Variants in CLASP1 observed in about 807,000 individuals in gnomAD.
The protein encoded by CLASP1 is cytoplasmic linker associated protein 1, also known as CLIP-associating protein 1.
CLASP1 carries 38 observed loss-of-function variants against 192.3 expected under a neutral mutation model. The observed-to-expected ratio is 0.20, with a 90% CI of 0.15 to 0.26. CLASP1 has a LOEUF of 0.26. CLASP1 is among the 10% of genes least tolerant of loss of function. The pLI, the probability that CLASP1 is intolerant of heterozygous loss-of-function variation, is 1.00. For synonymous variants in CLASP1, 691 were observed against 712.8 expected (o/e 0.97, Z 0.49); for missense variants, 1,433 against 1,932.5 (o/e 0.74, Z 4.85).
rs1489666378 is a variant in CLASP1 at position 121,591,843 on chromosome 2, T to C, written c.195+13858A>G. ...CCCATTTATAACCACACCTATTTGTTCCATAATGGACAGCCATCTCTAACA... is the reference window on the plus strand; with the variant it reads ...CCCATTTATAACCACACCTATTTGTCCCATAATGGACAGCCATCTCTAACA... On this transcript the variant is annotated intron_variant, in intron 2 of 39. Coordinates refer to ENST00000263710, the Ensembl canonical transcript of CLASP1. Among the ~76,000 whole-genome samples the C allele has an allele frequency of 2.0e-5, 3 of 152,180 alleles. No individual in the cohort carries two copies. The South Asian group carries it at 6.2e-4, about 32-fold the overall frequency.
At chr2:121,530,487 A>G in intron 2 of CLASP1, 162 bp from the exon 3 acceptor site, 1 of 602,442 alleles carries the variant, frequency 1.7e-6, no homozygotes, top group South Asian at 2.0e-5. Context: ...AAGAAGGATG[A>G]TCTTCCACAA....
chr2:121,594,734 CATT>C (rs1318694431), intron 2 of CLASP1, among the ~76,000 whole-genome samples: 1 of 152,224 alleles, frequency 6.6e-6, no homozygotes, highest in East Asian at 1.9e-4. Flanking sequence ...GCTGTCCTAA[CATT>C]ATATAAATGA....
intron 2 of CLASP1, among the ~76,000 whole-genome samples, chr2:121,544,907 C>CTTTTTTTTTTTTTT (rs3078562): frequency 1.7e-4 from 21 of 122,856 alleles, no homozygotes; most frequent in South Asian, 7.4e-4. Context: ...CTTTTCTTTT[C>CTTTTTTTTTTTTTT]TTTTTTTTTT....
chr2:121,442,546 C>T (rs1351950535), intron 19 of CLASP1, among the ~76,000 whole-genome samples: 1 of 150,366 alleles, frequency 6.7e-6, no homozygotes, highest in Non-Finnish European at 1.5e-5. Context: ...AAGGCATAAT[C>T]TCCGCTCACT....
At chr2:121,444,843 C>A (rs774986055) in intron 19 of CLASP1, 29 of 721,118 alleles carry the variant, frequency 4.0e-5, no homozygotes, top group Non-Finnish European at 5.9e-5. Context: ...CATGCAGGGA[C>A]CTTGGTGAGG....
At chr2:121,571,955 G>T (rs190528716) in intron 2 of CLASP1, among the ~76,000 whole-genome samples, 10 of 151,514 alleles carry the variant, frequency 6.6e-5, no homozygotes, top group Admixed American at 1.3e-4. Context: ...TGTAAAAGAT[G>T]TAGTACTGAT....
chr2:121,458,094 T>C (rs1341049722), intron 13 of CLASP1, among the ~76,000 whole-genome samples: 2 of 152,176 alleles, frequency 1.3e-5, no homozygotes, highest in East Asian at 1.9e-4. Context: ...ACTATTTCAA[T>C]AGAAATGTCC....
chr2:121,528,824 G>A (rs776956360), intron 3 of CLASP1, 44 bp from the exon 4 acceptor site: 1 of 1,454,922 alleles, frequency 6.9e-7, no homozygotes, highest in Non-Finnish European at 9.7e-7. Flanking sequence ...CCCTATTTGG[G>A]GGTCTGTGGT....
chr2:121,450,861 T>C lies in CLASP1; in HGVS notation c.1523+52A>G, dbSNP rs766487852. On this transcript the variant is annotated intron_variant, in intron 16 of 39. Coordinates refer to ENST00000263710, the Ensembl canonical transcript of CLASP1. ...TTTAATAAGGCAATCCTATAATTCATGTGAAATATAGAAGAAGTTAATTTA... is the reference window on the plus strand; with the variant it reads ...TTTAATAAGGCAATCCTATAATTCACGTGAAATATAGAAGAAGTTAATTTA... 2.7e-5 allele frequency: 33 copies of C among 1,235,936 alleles called. 1 individual carries two copies. Among genetic ancestry groups the C allele is most frequent in the Non-Finnish European group, 3.7e-5 (31 of 845,282 alleles). The allele number at this position is 1,235,936 out of a possible 1,614,324, so 76.6% of individuals were successfully genotyped here.
chr2:121,625,426 C>CTTTTTTTTTTTTT (rs1559804182), intron 1 of CLASP1, among the ~76,000 whole-genome samples: 1 of 128,276 alleles, frequency 7.8e-6, no homozygotes, highest in African/African-American at 3.3e-5. Context: ...TTCTTTCTTT[C>CTTTTTTTTTTTTT]ATTTTTTTTT....
intron 9 of CLASP1, among the ~76,000 whole-genome samples, chr2:121,464,766 G>C (rs2089145344): frequency 6.6e-6 from 1 of 152,080 alleles, no homozygotes; most frequent in Non-Finnish European, 1.5e-5. Flanking sequence ...CAGATGAGTA[G>C]GTTGCGAAAA....
At chr2:121,500,484 GAA>G (rs1215151410) in intron 8 of CLASP1, among the ~76,000 whole-genome samples, 1 of 149,938 alleles carries the variant, frequency 6.7e-6, no homozygotes, top group Non-Finnish European at 1.5e-5. Flanking sequence ...GAAGAAAAGA[GAA>G]AAAGAGGAGG....
chr2:121,633,133 G>A (rs988377843), intron 1 of CLASP1, among the ~76,000 whole-genome samples: 1 of 151,282 alleles, frequency 6.6e-6, no homozygotes, highest in Non-Finnish European at 1.5e-5. Context: ...TAATTCATGT[G>A]TATATATTAC....
intron 2 of CLASP1, among the ~76,000 whole-genome samples, chr2:121,577,144 CA>C (rs1286861100): frequency 6.6e-6 from 1 of 151,632 alleles, no homozygotes; most frequent in Non-Finnish European, 1.5e-5. Context: ...ACAAAAGCAG[CA>C]GAACACTGAG....
intron 25 of CLASP1, 118 bp from the exon 27 acceptor site, chr2:121,404,552 G>T (rs1281996927): frequency 4.4e-6 from 4 of 899,276 alleles, no homozygotes; most frequent in Non-Finnish European, 6.9e-6. Context: ...CTACAGCCTT[G>T]ATCTCCCAAG....
At chr2:121,406,091 T>C (rs1447928930) in intron 25 of CLASP1, among the ~76,000 whole-genome samples, 1 of 152,232 alleles carries the variant, frequency 6.6e-6, no homozygotes, top group East Asian at 1.9e-4. Flanking sequence ...CGTTTTCACA[T>C]CTCTGTAATT....
chr2:121,495,948 A>G (rs1333450531), intron 8 of CLASP1, among the ~76,000 whole-genome samples: 2 of 152,184 alleles, frequency 1.3e-5, no homozygotes, highest in East Asian at 3.9e-4. Context: ...AGATGAGCAA[A>G]TGTGGTTCAC....
At chr2:121,614,196 G>A (rs564676408) in intron 1 of CLASP1, among the ~76,000 whole-genome samples, 3 of 152,158 alleles carry the variant, frequency 2.0e-5, no homozygotes, top group Non-Finnish European at 4.4e-5. Flanking sequence ...AGGCCAGTCC[G>A]CATTAAAAGT....
At chr2:121,565,828 G>T (rs1056055707) in intron 2 of CLASP1, among the ~76,000 whole-genome samples, 1 of 152,192 alleles carries the variant, frequency 6.6e-6, no homozygotes, top group Non-Finnish European at 1.5e-5. Context: ...AGAGCAGAAC[G>T]GCCCTAAAAC....
Sources: allele counts gnomAD v4.1 joint callset (sites outside exome capture counted in the v4.1 genomes callset), GRCh38; gene constraint gnomAD v4.1.1; transcripts MANE v1.5; gene names NCBI Gene and HGNC (gene_info 2026-07-23, HGNC 2026-07-21).